The following WDR49 variants were observed in gnomAD, a reference collection of about 807,000 sequenced individuals.
WDR49 encodes WD repeat domain 49.
WDR49 carries 107 observed loss-of-function variants against 119.5 expected under a neutral mutation model. The observed-to-expected ratio is 0.90, with a 90% CI of 0.77 to 1.05. The LOEUF (loss-of-function observed/expected upper bound fraction) is 1.05. Ranked by LOEUF, WDR49 falls within the 50% of genes least tolerant of loss-of-function variation. The pLI, the probability that WDR49 is intolerant of heterozygous loss-of-function variation, is 0.00. For synonymous variants in WDR49, 425 were observed against 418.8 expected, an observed-to-expected ratio of 1.01 and a Z score of -0.18; for missense variants, 1,240 against 1,220.5, an observed-to-expected ratio of 1.02 and a Z score of -0.24.
Position 167,621,457 on chromosome 3 carries a change from C to A in WDR49, c.783+10G>T. On this transcript the variant is annotated intron_variant, in intron 4 of 18. Coordinates refer to ENST00000682715, the MANE Select transcript of WDR49 (RefSeq NM_001366157.1). ...TCCATAGTATTCAATCTTAATCTACCCTCACTTACCTTTCCAGTTATATCC... is the reference window on the plus strand; with the variant it reads ...TCCATAGTATTCAATCTTAATCTACACTCACTTACCTTTCCAGTTATATCC... The A allele has an allele frequency of 6.6e-7, 1 of 1,511,002 alleles. No individual in the cohort carries two copies. The highest frequency in any genetic ancestry group is 8.8e-7 in the Non-Finnish European group (1 of 1,133,492). 93.6% of individuals were successfully genotyped at this position (1,511,002 alleles called of 1,614,324 possible). A position where few individuals can be genotyped will look rare whatever the true frequency, so the allele number is the denominator to read the frequency against.
intron 8 of WDR49, among the ~76,000 whole-genome samples, chr3:167,575,575 G>A (rs1383937779): frequency 6.6e-6 from 1 of 152,210 alleles, no homozygotes; most frequent in Non-Finnish European, 1.5e-5. Flanking sequence ...CCGGAAGATG[G>A]TGTTCATAGA....
intron 2 of WDR49, among the ~76,000 whole-genome samples, chr3:167,637,154 T>C (rs1717657082): frequency 6.6e-6 from 1 of 151,948 alleles, no homozygotes; most frequent in South Asian, 2.1e-4. Context: ...TGATCCATCT[T>C]CAGTTGATTT....
Position 167,620,607 on chromosome 3 carries a change from G to A in WDR49, c.784-4C>T. 3 of 1,527,272 alleles carry A rather than the reference G, an allele frequency of 2.0e-6. No homozygotes were observed. The highest frequency in any genetic ancestry group is 2.6e-6 in the Non-Finnish European group (3 of 1,141,714). 94.6% of individuals were successfully genotyped at this position (1,527,272 alleles called of 1,614,324 possible). A position where few individuals can be genotyped will look rare whatever the true frequency, so the allele number is the denominator to read the frequency against. ...CGGTGAAAGCAATTGCTTGAACCTTGACAGAGACATTGAAAGAACAACAAT... is the reference window on the plus strand; with the variant it reads ...CGGTGAAAGCAATTGCTTGAACCTTAACAGAGACATTGAAAGAACAACAAT... On this transcript the variant is annotated splice_polypyrimidine_tract_variant and splice_region_variant and intron_variant, in intron 4 of 18. Coordinates refer to ENST00000682715, the MANE Select transcript of WDR49 (RefSeq NM_001366157.1).
chr3:167,501,495 G>A (rs1033759866), intron 17 of WDR49, among the ~76,000 whole-genome samples: 3 of 152,040 alleles, frequency 2.0e-5, no homozygotes, highest in African/African-American at 4.8e-5. Context: ...CAAAAACTCC[G>A]TGGAGTAGAT....
chr3:167,586,290 C>A (rs974540158), intron 7 of WDR49, among the ~76,000 whole-genome samples: 2 of 152,184 alleles, frequency 1.3e-5, no homozygotes, highest in African/African-American at 2.4e-5. Context: ...ATCTTTTTTA[C>A]TCCCCATGGT....
intron 16 of WDR49, among the ~76,000 whole-genome samples, chr3:167,506,051 T>C (rs901051980): frequency 2.0e-5 from 3 of 152,208 alleles, no homozygotes; most frequent in Non-Finnish European, 4.4e-5. Context: ...CTACAAGTTA[T>C]GTTTCCAAAA....
At chr3:167,533,919 T>C (rs893788777) in intron 11 of WDR49, among the ~76,000 whole-genome samples, 6 of 151,934 alleles carry the variant, frequency 3.9e-5, no homozygotes, top group Non-Finnish European at 8.8e-5. Context: ...CACCAAACTC[T>C]GTATTGTCCT....
intron 10 of WDR49, among the ~76,000 whole-genome samples, chr3:167,554,411 C>T (rs568260239): frequency 1.7e-4 from 26 of 152,120 alleles, no homozygotes; most frequent in African/African-American, 5.8e-4. Flanking sequence ...TAATACATCC[C>T]CATCTGAAAT....
chr3:167,623,913 A>C (rs1485653645), intron 3 of WDR49, among the ~76,000 whole-genome samples: 3 of 151,994 alleles, frequency 2.0e-5, no homozygotes, highest in African/African-American at 4.8e-5. Flanking sequence ...TACAATGAAC[A>C]GTCTGAAAAT....
At chr3:167,584,930 T>C (rs1714728589) in intron 7 of WDR49, among the ~76,000 whole-genome samples, 1 of 152,176 alleles carries the variant, frequency 6.6e-6, no homozygotes, top group African/African-American at 2.4e-5. Flanking sequence ...CTTGACTATC[T>C]TTTTCTTGAT....
At chr3:167,611,439 A>G (rs754166252) in intron 5 of WDR49, among the ~76,000 whole-genome samples, 16 of 152,196 alleles carry the variant, frequency 1.1e-4, no homozygotes, top group Non-Finnish European at 2.2e-4. Context: ...AGAAAACCAA[A>G]TAACAAATCA....
rs753460027 is a variant in WDR49, at chr3:167,620,409, T to C, written c.958+20A>G. 7 of 1,530,016 alleles carry C rather than the reference T, an allele frequency of 4.6e-6. No individual in the cohort carries two copies. The South Asian group carries it at 8.4e-5, about 18-fold the overall frequency. 94.8% of individuals were successfully genotyped at this position (1,530,016 alleles called of 1,614,324 possible). A position where few individuals can be genotyped will look rare whatever the true frequency, so the allele number is the denominator to read the frequency against. On this transcript the variant is annotated intron_variant, in intron 5 of 18. Transcript: ENST00000682715. Reference sequence around the variant, plus strand: ...AGTCAGAGGTGACCATTTACTTTCATTACTGTTCAAATTCAATACCTTGCC... The same window carrying C: ...AGTCAGAGGTGACCATTTACTTTCACTACTGTTCAAATTCAATACCTTGCC...
intron 15 of WDR49, among the ~76,000 whole-genome samples, 159 bp downstream of exon 15, chr3:167,527,661 A>G (rs184292186): frequency 1.4e-4 from 21 of 152,166 alleles, no homozygotes; most frequent in African/African-American, 5.1e-4. Context: ...TTAATGGAAA[A>G]CAGGGCAAGA....
chr3:167,557,898 A>C (rs1010478992), intron 9 of WDR49, among the ~76,000 whole-genome samples: 3 of 152,186 alleles, frequency 2.0e-5, no homozygotes, highest in African/African-American at 7.2e-5. Context: ...CATTTATATG[A>C]GTCAATATCC....
intron 7 of WDR49, among the ~76,000 whole-genome samples, chr3:167,582,955 CACACACACACACAT>C (rs958302001): frequency 6.7e-6 from 1 of 149,944 alleles, no homozygotes; most frequent in Non-Finnish European, 1.5e-5. Context: ...AACAAACACA[CACACACACACACAT>C]ACACACACAC....
intron 7 of WDR49, among the ~76,000 whole-genome samples, chr3:167,591,390 A>G (rs1302024512): frequency 1.3e-5 from 2 of 152,108 alleles, no homozygotes; most frequent in African/African-American, 4.8e-5. Context: ...CAGCAGTTGG[A>G]TGAAATGTTC....
chr3:167,517,280 G>A (rs1466002680), intron 16 of WDR49, among the ~76,000 whole-genome samples: 3 of 152,076 alleles, frequency 2.0e-5, no homozygotes, highest in Non-Finnish European at 4.4e-5. Flanking sequence ...GTACTACACG[G>A]CTACAGTAAC....
chr3:167,519,111 A>C (rs531877695), intron 16 of WDR49, among the ~76,000 whole-genome samples: 42 of 152,270 alleles, frequency 2.8e-4, no homozygotes, highest in African/African-American at 9.4e-4. Flanking sequence ...CAATTATTAA[A>C]AAGTCAAGAA....
intron 8 of WDR49, among the ~76,000 whole-genome samples, chr3:167,573,495 TA>T (rs1688936962): frequency 6.6e-6 from 1 of 151,336 alleles, no homozygotes; most frequent in Non-Finnish European, 1.5e-5. Flanking sequence ...AGGGAGACAT[TA>T]AAACACAAGA....
Sources: allele counts gnomAD v4.1 joint callset (sites outside exome capture counted in the v4.1 genomes callset), GRCh38; gene constraint gnomAD v4.1.1; transcripts MANE v1.5; gene names NCBI Gene and HGNC (gene_info 2026-07-23, HGNC 2026-07-21).